Variants in STXBP4 observed in about 807,000 individuals in gnomAD.
STXBP4 encodes the protein syntaxin binding protein 4, also known as syntaxin-binding protein 4.
Under a neutral mutation model 76.1 loss-of-function variants are expected in STXBP4, and 55 were observed. That is an observed-to-expected ratio of 0.72 (90% CI 0.58 to 0.91). The LOEUF is 0.91. STXBP4 is among the 40% of genes least tolerant of loss of function. STXBP4 has a pLI of 0.00. For synonymous variants in STXBP4, 201 were observed against 220.2 expected, an observed-to-expected ratio of 0.91 and a Z score of 0.77; for missense variants, 618 against 636.9, an observed-to-expected ratio of 0.97 and a Z score of 0.32.
intron 12 of STXBP4, among the ~76,000 whole-genome samples, chr17:55,055,430 C>G (rs900129801): frequency 2.0e-5 from 3 of 152,172 alleles, no homozygotes; most frequent in Non-Finnish European, 4.4e-5. Context: ...TCACCACTTC[C>G]ATCAGTGGTC....
chr17:55,151,495 GTCT>G (rs1418673908), intron 17 of STXBP4, among the ~76,000 whole-genome samples: 1 of 152,178 alleles, frequency 6.6e-6, no homozygotes, highest in Non-Finnish European at 1.5e-5. Flanking sequence ...AGGGCCAGAG[GTCT>G]TCTTTGATCA....
At chr17:55,081,405 A>C (rs2079253581) in intron 16 of STXBP4, among the ~76,000 whole-genome samples, 1 of 152,118 alleles carries the variant, frequency 6.6e-6, no homozygotes, top group African/African-American at 2.4e-5. Flanking sequence ...CTTCCACCCA[A>C]AGTTTCTTTG....
intron 16 of STXBP4, among the ~76,000 whole-genome samples, chr17:55,136,941 TC>T (rs745714786): frequency 2.0e-5 from 3 of 152,160 alleles, no homozygotes; most frequent in Non-Finnish European, 4.4e-5. Flanking sequence ...GCTGTTAATT[TC>T]ATTACTATTA....
At chr17:55,114,237 C>T (rs1281847481) in intron 16 of STXBP4, among the ~76,000 whole-genome samples, 1 of 151,914 alleles carries the variant, frequency 6.6e-6, no homozygotes, top group Non-Finnish European at 1.5e-5. Context: ...GGGTTGGAAG[C>T]CAACCTTACT....
At chr17:54,986,615 G>A (rs549696115) in intron 3 of STXBP4, among the ~76,000 whole-genome samples, 1 of 152,086 alleles carries the variant, frequency 6.6e-6, no homozygotes, top group East Asian at 1.9e-4. Context: ...GGGCAACATA[G>A]CAAAACTCTG....
intron 10 of STXBP4, among the ~76,000 whole-genome samples, chr17:55,042,228 T>C (rs899385440): frequency 3.9e-5 from 6 of 152,138 alleles, no homozygotes; most frequent in African/African-American, 7.2e-5. Context: ...TCAGAGACTA[T>C]GATTTGTGGG....
intron 16 of STXBP4, among the ~76,000 whole-genome samples, chr17:55,139,205 C>G (rs1296237807): frequency 6.6e-6 from 1 of 152,038 alleles, no homozygotes; most frequent in African/African-American, 2.4e-5. Flanking sequence ...GGCAGAAATT[C>G]TATTCTGATG....
intron 16 of STXBP4, among the ~76,000 whole-genome samples, chr17:55,122,220 C>A (rs1264395562): frequency 6.6e-6 from 1 of 152,142 alleles, no homozygotes; most frequent in Non-Finnish European, 1.5e-5. Flanking sequence ...GAGCTGTGTA[C>A]CAGAAAATGA....
At chr17:55,077,335 ATATGGCTT>A (rs1325379731) in intron 13 of STXBP4, among the ~76,000 whole-genome samples, 5 of 152,182 alleles carry the variant, frequency 3.3e-5, no homozygotes, top group African/African-American at 1.2e-4. Flanking sequence ...AAATTTCAGC[ATATGGCTT>A]TTTAGGCCAC....
chr17:55,180,860 G>A, the STXBP4 span, among the ~76,000 whole-genome samples: 1 of 152,188 alleles, frequency 6.6e-6, no homozygotes, highest in Non-Finnish European at 1.5e-5. Context: ...TATCTCAGAG[G>A]TCAAGGTGGA....
At chr17:55,066,591 A>C (rs1216434374) in intron 12 of STXBP4, among the ~76,000 whole-genome samples, 1 of 152,238 alleles carries the variant, frequency 6.6e-6, no homozygotes, top group Non-Finnish European at 1.5e-5. Context: ...TTTTTAATGA[A>C]AACAAGAAAT....
chr17:55,093,536 A>T (rs2079444998), intron 16 of STXBP4, among the ~76,000 whole-genome samples: 1 of 152,050 alleles, frequency 6.6e-6, no homozygotes, highest in African/African-American at 2.4e-5. Context: ...CACAACAAAT[A>T]TTTGTGGCAT....
the STXBP4 span, among the ~76,000 whole-genome samples, chr17:55,203,595 A>G: frequency 6.6e-6 from 1 of 152,196 alleles, no homozygotes; most frequent in Admixed American, 6.5e-5. Flanking sequence ...TCTGAAATTA[A>G]CATGAGTAAA....
chr17:55,201,348 CA>C, the STXBP4 span, among the ~76,000 whole-genome samples: 4 of 147,878 alleles, frequency 2.7e-5, no homozygotes, highest in Non-Finnish European at 3.0e-5. Flanking sequence ...ATGTTTTATT[CA>C]AACAATGAAG....
intron 12 of STXBP4, among the ~76,000 whole-genome samples, chr17:55,051,623 T>C (rs1488061942): frequency 6.6e-6 from 1 of 152,088 alleles, no homozygotes; most frequent in Non-Finnish European, 1.5e-5. Context: ...TTGGGTGTGA[T>C]GGTATGCATC....
intron 16 of STXBP4, among the ~76,000 whole-genome samples, chr17:55,100,380 G>A (rs182815776): frequency 2.9e-4 from 44 of 152,290 alleles, no homozygotes; most frequent in Admixed American, 3.9e-4. Flanking sequence ...TAACACTACC[G>A]TGTACAATTA....
In STXBP4 at chr17:55,168,311, C is replaced by T. The variant is rs1033246893; in HGVS notation, c.*8400C>T. The T allele has an allele frequency of 5.3e-5, 8 of 151,484 alleles. No homozygotes were observed. The highest frequency in any genetic ancestry group is 2.9e-5 in the Non-Finnish European group (2 of 67,860). The allele number at this position is 151,484 out of a possible 1,614,324, so 9.4% of individuals were successfully genotyped here. ...ATATTTAATAAAATCTACACAATTT[C>T]AAAAATATGACCAAATACTGGTGGT... On this transcript the variant is annotated 3_prime_UTR_variant, in exon 18 of 18. Transcript: ENST00000376352.
At chr17:55,090,480 G>A (rs2079396730) in intron 16 of STXBP4, among the ~76,000 whole-genome samples, 1 of 151,904 alleles carries the variant, frequency 6.6e-6, no homozygotes, top group Non-Finnish European at 1.5e-5. Flanking sequence ...GGTTTGAGAG[G>A]GTAATTCCAA....
At chr17:54,999,197 G>C (rs2077865746) in intron 4 of STXBP4, 148 bp from the exon 5 acceptor site, 2 of 588,942 alleles carry the variant, frequency 3.4e-6, no homozygotes, top group African/African-American at 3.8e-5. Flanking sequence ...TTAATCAAGA[G>C]ATTTTGCTAC....
Sources: gnomAD v4.1 joint callset for allele counts (sites outside exome capture counted in the v4.1 genomes callset) on GRCh38, gnomAD v4.1.1 for gene constraint, MANE v1.5 for transcripts, NCBI Gene and HGNC (gene_info 2026-07-23, HGNC 2026-07-21) for gene names.